CAMTA1: variants seen among roughly 807,000 people sequenced by gnomAD.
CAMTA1 encodes the protein calmodulin-binding transcription activator 1.
A neutral mutation model predicts 170.9 loss-of-function variants in CAMTA1; 27 were observed. That is an observed-to-expected ratio of 0.16 (90% CI 0.12 to 0.22). CAMTA1 has a LOEUF of 0.22. CAMTA1 is among the 10% of genes least tolerant of loss of function. The pLI, the probability that CAMTA1 is intolerant of heterozygous loss-of-function variation, is 1.00. For synonymous variants in CAMTA1, 833 were observed against 891.5 expected (o/e 0.93, Z 1.17); for missense variants, 1,619 against 2,217.2 (o/e 0.73, Z 5.42).
At chr1:7,753,847 T>G (rs2096914175) in intron 21 of CAMTA1, among the ~76,000 whole-genome samples, 1 of 152,224 alleles carries the variant, frequency 6.6e-6, no homozygotes, top group Non-Finnish European at 1.5e-5. Flanking sequence ...CCATGATAGC[T>G]AATGAGTAAC....
At position 7,580,786 on chromosome 1, in the gene CAMTA1, C is replaced by T. The variant is rs2095253876; in HGVS notation, c.511-59614C>T. Reference sequence around the variant, plus strand: ...CTGGCTTTGGAGGGTTTGGTTATCTCCTCCCCAACCAAGATCTCCTCCAAC... The same window carrying T: ...CTGGCTTTGGAGGGTTTGGTTATCTTCTCCCCAACCAAGATCTCCTCCAAC... On this transcript the variant is annotated intron_variant, in intron 6 of 22. Transcript: ENST00000303635. The surrounding 1 kb of genome is among the most constrained non-coding windows in gnomAD (Gnocchi z 4.3). 6.6e-6 allele frequency among the ~76,000 whole-genome samples: 1 copy of T among 152,124 alleles called. No individual in the cohort carries two copies. Among genetic ancestry groups the T allele is most frequent in the African/African-American group, 2.4e-5 (1 of 41,430 alleles).
intron 5 of CAMTA1, among the ~76,000 whole-genome samples, chr1:7,349,144 T>C (rs1156686919): frequency 6.6e-6 from 1 of 152,206 alleles, no homozygotes; most frequent in Non-Finnish European, 1.5e-5. Context: ...CCCGTTCTCC[T>C]CGAGCGCATG....
intron 4 of CAMTA1, among the ~76,000 whole-genome samples, chr1:7,202,991 A>G (rs1656990216): frequency 6.6e-6 from 1 of 152,156 alleles, no homozygotes; most frequent in Non-Finnish European, 1.5e-5. Context: ...ATCATTAAGT[A>G]TATTGTTAGC....
intron 3 of CAMTA1, among the ~76,000 whole-genome samples, chr1:6,892,935 T>G (rs1674845158): frequency 6.6e-6 from 1 of 151,884 alleles, no homozygotes; most frequent in South Asian, 2.1e-4. Context: ...TGTTTTGAAG[T>G]TTTTTATCTT....
At chr1:6,927,416 C>T (rs1381131190) in intron 3 of CAMTA1, among the ~76,000 whole-genome samples, 1 of 152,140 alleles carries the variant, frequency 6.6e-6, no homozygotes, top group East Asian at 1.9e-4. Flanking sequence ...GATATAAACA[C>T]CTTAATAAAC....
intron 3 of CAMTA1, among the ~76,000 whole-genome samples, chr1:6,857,664 A>G (rs1227494492): frequency 2.6e-5 from 4 of 151,036 alleles, no homozygotes; most frequent in African/African-American, 9.8e-5. Flanking sequence ...TAGAGGGAAG[A>G]GAAGGCATTC....
intron 11 of CAMTA1, among the ~76,000 whole-genome samples, chr1:7,708,439 A>G (rs1457964097): frequency 6.6e-6 from 1 of 152,160 alleles, no homozygotes; most frequent in South Asian, 2.1e-4. Context: ...TCAAGGCTGC[A>G]GTGAGCCATG....
chr1:6,971,400 G>C lies in CAMTA1; in HGVS notation c.235-119904G>C, dbSNP rs1026848545. Among the ~76,000 whole-genome samples, 1 of 152,220 alleles carries C rather than the reference G, an allele frequency of 6.6e-6. No homozygotes were observed. Among genetic ancestry groups the C allele is most frequent in the Non-Finnish European group, 1.5e-5 (1 of 68,042 alleles). On this transcript the variant is annotated intron_variant, in intron 3 of 22. Coordinates refer to ENST00000303635, the MANE Select transcript of CAMTA1 (RefSeq NM_015215.4). This position sits in a 1 kb window ranked among gnomAD's most constrained non-coding sequence, Gnocchi z 4.6. Reference sequence around the variant, plus strand: ...TTCTGCTGCCACTTTAATGAGGACTGAGAATAAATAGAAATCCTGAAATTG... The same window carrying C: ...TTCTGCTGCCACTTTAATGAGGACTCAGAATAAATAGAAATCCTGAAATTG...
At chr1:7,734,592 ATGAATGTGTCTTGTGTG>A (rs1012216544) in intron 12 of CAMTA1, among the ~76,000 whole-genome samples, 2 of 152,058 alleles carry the variant, frequency 1.3e-5, no homozygotes, top group East Asian at 1.9e-4. Context: ...CCATGTGCTC[ATGAATGTGTCTTGTGTG>A]TGTAGAATGG....
rs139275874 is a variant in CAMTA1 at position 7,310,584 on chromosome 1, T to TTTTTCTTTTC, written c.438+60972_438+60981dup. Among the ~76,000 whole-genome samples the TTTTTCTTTTC allele has an allele frequency of 1.9e-4, 25 of 132,286 alleles. 2 individuals carry two copies. Among genetic ancestry groups the TTTTTCTTTTC allele is most frequent in the African/African-American group, 7.6e-4 (24 of 31,686 alleles). 86.8% of individuals were successfully genotyped at this position (132,286 alleles called of 152,430 possible). A position where few individuals can be genotyped will look rare whatever the true frequency, so the allele number is the denominator to read the frequency against. On this transcript the variant is annotated intron_variant, in intron 5 of 22. Coordinates refer to ENST00000303635, the MANE Select transcript of CAMTA1 (RefSeq NM_015215.4). ...TCTCTGGCTGCTTTCAAGATTTTTC[T>TTTTTCTTTTC]TTTTCTTTTCTTTTCTTTTCTTTCT...
rs2094503620 is a variant in CAMTA1 at position 7,532,510 on chromosome 1, C to T, written c.510+64609C>T. On this transcript the variant is annotated intron_variant, in intron 6 of 22. Coordinates refer to ENST00000303635, the MANE Select transcript of CAMTA1 (RefSeq NM_015215.4). The surrounding 1 kb of genome is among the most constrained non-coding windows in gnomAD (Gnocchi z 4.2). ...GGGACGGGGCTCTTACCATGTTGCC[C>T]AGGTTGGTCTTGAACTCCTGGGCTC... Among the ~76,000 whole-genome samples the T allele has an allele frequency of 6.6e-6, 1 of 152,046 alleles. No individual in the cohort carries two copies. Among genetic ancestry groups the T allele is most frequent in the Non-Finnish European group, 1.5e-5 (1 of 68,020 alleles).
chr1:7,520,220 CTCCTCCT>C (rs1575769006), intron 6 of CAMTA1, among the ~76,000 whole-genome samples: 7 of 1,244 alleles, frequency 5.6e-3, no homozygotes, highest in East Asian at 0.12. Flanking sequence ...CCTCCTCCTC[CTCCTCCT>C]CCCTCCTCCT....
chr1:7,273,559 T>C (rs1670156977), intron 5 of CAMTA1, among the ~76,000 whole-genome samples: 1 of 152,154 alleles, frequency 6.6e-6, no homozygotes. Context: ...AATAATTGCC[T>C]AAGGCTGGAG....
At chr1:7,668,388 A>ACACACAC (rs2096019808) in intron 9 of CAMTA1, among the ~76,000 whole-genome samples, 2 of 101,422 alleles carry the variant, frequency 2.0e-5, no homozygotes, top group African/African-American at 3.7e-5. Flanking sequence ...GCTGGTCACC[A>ACACACAC]ACACACACAC....
intron 4 of CAMTA1, among the ~76,000 whole-genome samples, chr1:7,247,382 G>C (rs1383060378): frequency 1.3e-5 from 2 of 152,196 alleles, no homozygotes; most frequent in Non-Finnish European, 2.9e-5. Context: ...TTACGATGTG[G>C]GAACGGTTTG....
Position 7,049,031 on chromosome 1 carries a change from AC to A in CAMTA1, c.235-42272del, listed in dbSNP as rs1464731222. 5.3e-5 allele frequency among the ~76,000 whole-genome samples: 8 copies of A among 152,344 alleles called. No individual in the cohort carries two copies. In the East Asian group the frequency reaches 1.5e-3, roughly 29 times the overall value. On this transcript the variant is annotated intron_variant, in intron 3 of 22. Transcript: ENST00000303635. ...AAGTACAATGCGTGGCTTCATTTTAACAAGTAGTTCCCTGATACGGTACATG... is the reference window on the plus strand; with the variant it reads ...AAGTACAATGCGTGGCTTCATTTTAAAAGTAGTTCCCTGATACGGTACATG...
At chr1:7,028,151 C>T (rs1049631008) in intron 3 of CAMTA1, among the ~76,000 whole-genome samples, 18 of 152,132 alleles carry the variant, frequency 1.2e-4, no homozygotes, top group African/African-American at 4.3e-4. Context: ...GGGATCCACC[C>T]ACCTCAGCCT....
At chr1:7,342,988 A>G (rs181266211) in intron 5 of CAMTA1, among the ~76,000 whole-genome samples, 12 of 152,314 alleles carry the variant, frequency 7.9e-5, no homozygotes, top group Admixed American at 6.5e-4. Flanking sequence ...CACCAGTCCT[A>G]CAGAGCATCA....
chr1:7,186,028 T>G (rs1468451415), intron 4 of CAMTA1, among the ~76,000 whole-genome samples: 1 of 152,214 alleles, frequency 6.6e-6, no homozygotes, highest in Non-Finnish European at 1.5e-5. Context: ...ATGTCAGTGT[T>G]AATGTTCTGA....
Sources: gnomAD v4.1 joint callset for allele counts (sites outside exome capture counted in the v4.1 genomes callset) on GRCh38, gnomAD v4.1.1 for gene constraint, Gnocchi (gnomAD v3.1) non-coding constraint, MANE v1.5 for transcripts, NCBI Gene and HGNC (gene_info 2026-07-23, HGNC 2026-07-21) for gene names.